Variants in ANK2 observed in about 807,000 individuals in gnomAD.
ANK2 encodes the protein ankyrin-2.
In ANK2, 83 loss-of-function variants were observed where a neutral mutation model predicts 360.5. The ratio of observed to expected loss-of-function variants is 0.23; its 90% CI spans 0.19 to 0.28. The LOEUF (loss-of-function observed/expected upper bound fraction) is 0.28, where lower values mean the gene tolerates loss of function less well. ANK2 is among the 10% of genes least tolerant of loss of function. The pLI, the probability that ANK2 is intolerant of heterozygous loss-of-function variation, is 1.00. For synonymous variants in ANK2, 1,740 were observed against 1,759.5 expected, an observed-to-expected ratio of 0.99 and a Z score of 0.28; for missense variants, 4,201 against 4,795.7, an observed-to-expected ratio of 0.88 and a Z score of 3.66.
At chr4:112,985,812 A>G (rs2044643494) in intron 2 of ANK2, among the ~76,000 whole-genome samples, 1 of 151,970 alleles carries the variant, frequency 6.6e-6, no homozygotes, top group African/African-American at 2.4e-5. Context: ...TACTGTGGCA[A>G]TGGACTTTGG....
At chr4:112,880,108 C>G (rs993705507) in intron 1 of ANK2, among the ~76,000 whole-genome samples, 7 of 151,950 alleles carry the variant, frequency 4.6e-5, no homozygotes, top group Non-Finnish European at 8.8e-5. Context: ...TCTCTTACAG[C>G]TTTATAGAGG....
chr4:112,800,257 C>T, the ANK2 span, among the ~76,000 whole-genome samples: 3 of 152,316 alleles, frequency 2.0e-5, no homozygotes, highest in South Asian at 6.2e-4. Flanking sequence ...AAACACCTAA[C>T]CCTTCCACTC....
the ANK2 span, among the ~76,000 whole-genome samples, chr4:112,710,300 C>A: frequency 5.1e-4 from 77 of 152,320 alleles, no homozygotes; most frequent in Middle Eastern, 3.4e-3. Context: ...TTACTCCTAG[C>A]TATCTATAAT....
intron 27 of ANK2, 102 bp downstream of exon 27, chr4:113,330,572 G>A: frequency 8.3e-7 from 1 of 1,200,512 alleles, no homozygotes; most frequent in South Asian, 1.3e-5. Flanking sequence ...AAACCATTTT[G>A]AAAGAGGATC....
At chr4:112,739,095 G>C in the ANK2 span, 1 of 509,208 alleles carries the variant, frequency 2.0e-6, no homozygotes, top group Non-Finnish European at 3.7e-6. Flanking sequence ...GTGCAGCAAA[G>C]AAAATGAATA....
intron 2 of ANK2, among the ~76,000 whole-genome samples, chr4:113,024,373 T>C (rs1038896433): frequency 3.9e-5 from 6 of 152,178 alleles, no homozygotes; most frequent in Non-Finnish European, 8.8e-5. Context: ...TTTTCCTCAT[T>C]AAAATTTTTC....
In ANK2 at chr4:113,358,700, T is replaced by C. The variant is rs1404597411; in HGVS notation, c.10082T>C (p.Leu3361Pro). The change falls in exon 38 of 46, where the codon CTC (leucine) becomes CCC (proline). Residue 3361 changes from leucine to proline, a missense_variant. By Grantham distance (98) the Leu-to-Pro change is moderately conservative (BLOSUM62 -3). Coordinates refer to ENST00000357077, the MANE Select transcript of ANK2 (RefSeq NM_001148.6). ...KVPLQRVEQQLSDLDTSVQKT... is the reference protein window; with the variant it reads ...KVPLQRVEQQPSDLDTSVQKT... ...CCCCTCCAAAGAGTTGAACAGCAGC[T>C]CTCAGATCTAGACACCTCTGTCCAG... is the stretch of plus-strand genomic sequence containing the variant. The C allele has an allele frequency of 1.2e-6, 2 of 1,614,008 alleles. No homozygotes were observed. The highest frequency in any genetic ancestry group is 1.7e-6 in the Non-Finnish European group (2 of 1,179,950).
intron 2 of ANK2, among the ~76,000 whole-genome samples, chr4:112,938,215 T>C (rs913915484): frequency 6.6e-6 from 1 of 152,218 alleles, no homozygotes; most frequent in Non-Finnish European, 1.5e-5. Context: ...TATTACTCTA[T>C]GTTTTTCTAA....
chr4:112,719,799 A>T, the ANK2 span, among the ~76,000 whole-genome samples: 1 of 152,150 alleles, frequency 6.6e-6, no homozygotes, highest in African/African-American at 2.4e-5. Context: ...CAAAGGCTTC[A>T]AACAGAAGCT....
the ANK2 span, among the ~76,000 whole-genome samples, chr4:112,776,841 C>T: frequency 8.5e-5 from 13 of 152,106 alleles, no homozygotes; most frequent in Non-Finnish European, 1.3e-4. Context: ...TATATTTGGT[C>T]TTTCTAGGAA....
rs1178981600 is a variant in ANK2 at position 113,356,969 on chromosome 4, G to A, written c.8351G>A (p.Ser2784Asn). The A allele has an allele frequency of 1.2e-6, 2 of 1,614,092 alleles. No individual in the cohort carries two copies. The highest frequency in any genetic ancestry group is 1.7e-6 in the Non-Finnish European group (2 of 1,179,982). ...GGATGTGAGGCCATGAGTCCTAGCA[G>A]CTCAGCTGCTCCTGTCTCTTCAGGT... The part of the protein sequence containing the change: ...GHGCEAMSPS[S>N]SAAPVSSGLQ... The change falls in exon 38 of 46, where the codon AGC (serine) becomes AAC (asparagine). Residue 2784 changes from serine to asparagine, a missense_variant. Ser to Asn is a conservative substitution (Grantham distance 46, BLOSUM62 1). Coordinates refer to ENST00000357077, the MANE Select transcript of ANK2 (RefSeq NM_001148.6).
At chr4:112,761,102 C>T in the ANK2 span, among the ~76,000 whole-genome samples, 2 of 151,932 alleles carry the variant, frequency 1.3e-5, no homozygotes, top group Admixed American at 1.3e-4. Flanking sequence ...CCACCGCACC[C>T]GGCCATGCGT....
rs1158530849 is a variant in ANK2 at position 113,163,764 on chromosome 4, C to CAAAAAAAAAAAAA, written c.85-10636_85-10624dup. ...GGGCAACAAGAGTGAAACTTCGTCT[C>CAAAAAAAAAAAAA]AAAAAAAAAAAAAAAAAAAAAAAAA... On this transcript the variant is annotated intron_variant, in intron 1 of 45. Transcript: ENST00000357077. Among the ~76,000 whole-genome samples, 95 of 55,030 alleles carry CAAAAAAAAAAAAA rather than the reference C, an allele frequency of 1.7e-3. 1 individual carries two copies. Among genetic ancestry groups the CAAAAAAAAAAAAA allele is most frequent in the African/African-American group, 2.3e-3 (41 of 17,738 alleles). 36.1% of individuals were successfully genotyped at this position (55,030 alleles called of 152,430 possible).
chr4:113,090,996 G>C (rs911085149), intron 1 of ANK2, among the ~76,000 whole-genome samples: 2 of 152,186 alleles, frequency 1.3e-5, no homozygotes, highest in South Asian at 2.1e-4. Flanking sequence ...GGGCATATCA[G>C]TGGTACATCA....
chr4:113,149,296 G>C (rs993640763), intron 1 of ANK2: 15 of 152,132 alleles, frequency 9.9e-5, no homozygotes, highest in African/African-American at 3.6e-4. Context: ...GTGTGTGTGA[G>C]AGAATGAGTG....
intron 2 of ANK2, among the ~76,000 whole-genome samples, chr4:113,178,701 C>T (rs1340930557): frequency 6.6e-6 from 1 of 152,038 alleles, no homozygotes; most frequent in African/African-American, 2.4e-5. Context: ...ATGTTACCTG[C>T]TTAGCTACTG....
At chr4:113,250,534 T>A (rs1450000243) in intron 10 of ANK2, among the ~76,000 whole-genome samples, 1 of 152,230 alleles carries the variant, frequency 6.6e-6, no homozygotes, top group Admixed American at 6.5e-5. Context: ...TGAAGATTTT[T>A]CATTATCAAA....
chr4:113,180,559 A>C (rs902947141), intron 2 of ANK2, among the ~76,000 whole-genome samples: 5 of 152,242 alleles, frequency 3.3e-5, no homozygotes, highest in African/African-American at 1.2e-4. Context: ...GATTAGTAGC[A>C]ATTTGGTAAA....
chr4:112,886,594 G>A (rs1269555298), intron 1 of ANK2, among the ~76,000 whole-genome samples: 1 of 152,102 alleles, frequency 6.6e-6, no homozygotes, highest in Non-Finnish European at 1.5e-5. Flanking sequence ...CCTGGGAAGT[G>A]GAAGTTGCAG....
Sources: gnomAD v4.1 joint callset for allele counts (sites outside exome capture counted in the v4.1 genomes callset) on GRCh38, gnomAD v4.1.1 for gene constraint, MANE v1.5 for transcripts, NCBI Gene and HGNC (gene_info 2026-07-23, HGNC 2026-07-21) for gene names.